The following IFRD1 variants were observed in gnomAD, a reference collection of about 807,000 sequenced individuals.
The protein encoded by IFRD1 is interferon related developmental regulator 1.
A neutral mutation model predicts 52.9 loss-of-function variants in IFRD1; 35 were observed. That is an observed-to-expected ratio of 0.66 (90% CI 0.51 to 0.88). The LOEUF is 0.88. Ranked by LOEUF, IFRD1 falls within the 40% of genes least tolerant of loss-of-function variation. IFRD1 has a pLI of 0.00. For synonymous variants in IFRD1, 184 were observed against 188.4 expected (o/e 0.98, Z 0.19); for missense variants, 517 against 550.8 (o/e 0.94, Z 0.61).
At chr7:112,459,861 G>A (rs1022338886) in intron 5 of IFRD1, among the ~76,000 whole-genome samples, 2 of 152,192 alleles carry the variant, frequency 1.3e-5, no homozygotes, top group Non-Finnish European at 2.9e-5. Context: ...CCTGGAGGCT[G>A]GGAATAGTCT....
intron 9 of IFRD1, among the ~76,000 whole-genome samples, chr7:112,471,272 G>A (rs1795738634): frequency 6.6e-6 from 1 of 152,158 alleles, no homozygotes; most frequent in Admixed American, 6.5e-5. Context: ...TTACGGGCAA[G>A]GGAACAGACT....
chr7:112,429,603 A>G (rs1785350994), intron 1 of IFRD1, among the ~76,000 whole-genome samples: 1 of 152,142 alleles, frequency 6.6e-6, no homozygotes, highest in Admixed American at 6.5e-5. Context: ...GTGTATGAAA[A>G]ATCTAATTTT....
upstream of IFRD1, chr7:112,450,403 C>CAG: frequency 2.1e-6 from 1 of 478,764 alleles, no homozygotes; most frequent in South Asian, 2.1e-5. Flanking sequence ...GCCCCGCCCA[C>CAG]AGAGTGACGT....
In IFRD1 at chr7:112,475,696, T is replaced by C; in HGVS notation, c.*177T>C. Reference sequence around the variant, plus strand: ...AAACTGGTGAGTTCTGATTATTAAATATTCTCTGTAAATCAGTAAACATGT... The same window carrying C: ...AAACTGGTGAGTTCTGATTATTAAACATTCTCTGTAAATCAGTAAACATGT... On this transcript the variant is annotated 3_prime_UTR_variant, in exon 12 of 12. Coordinates refer to ENST00000403825, the MANE Select transcript of IFRD1 (RefSeq NM_001550.4). The C allele has an allele frequency of 1.7e-6, 1 of 572,176 alleles. No homozygotes were observed. The highest frequency in any genetic ancestry group is 2.9e-5 in the East Asian group (1 of 34,158). The allele number at this position is 572,176 out of a possible 1,614,324, so 35.4% of individuals were successfully genotyped here.
intron 8 of IFRD1, among the ~76,000 whole-genome samples, chr7:112,464,388 C>A (rs944008911): frequency 1.3e-4 from 19 of 151,958 alleles, no homozygotes; most frequent in African/African-American, 4.3e-4. Context: ...TATGAGAGTT[C>A]TAGGTTAATG....
Position 112,475,812 on chromosome 7 carries a change from A to G in IFRD1, c.*293A>G. On this transcript the variant is annotated 3_prime_UTR_variant, in exon 12 of 12. Transcript: ENST00000403825. ...GGGGAAAACAATTAGCCAAAGTTTA[A>G]TTTCTTACACTGTGGTTGTCAAGAA... The G allele has an allele frequency of 3.0e-6, 1 of 334,314 alleles. No individual in the cohort carries two copies. Among genetic ancestry groups the G allele is most frequent in the South Asian group, 3.5e-5 (1 of 28,686 alleles). 20.7% of individuals were successfully genotyped at this position (334,314 alleles called of 1,614,324 possible). A position where few individuals can be genotyped will look rare whatever the true frequency, so the allele number is the denominator to read the frequency against.
At chr7:112,452,378 A>AGTCCCTC (rs1257594157) in intron 1 of IFRD1, 1 of 692,352 alleles carries the variant, frequency 1.4e-6, no homozygotes, top group Non-Finnish European at 1.8e-6. Flanking sequence ...GCTGGTCACG[A>AGTCCCTC]GTCCCTCGTC....
intron 1 of IFRD1, among the ~76,000 whole-genome samples, chr7:112,429,218 TA>T (rs1176220879): frequency 3.3e-5 from 5 of 152,232 alleles, no homozygotes; most frequent in Non-Finnish European, 7.3e-5. Context: ...AACACTTGCC[TA>T]ATCTCAAACC....
rs1250717134 is a variant in IFRD1 at position 112,475,840 on chromosome 7, C to T, written c.*321C>T. The T allele has an allele frequency of 3.6e-6, 1 of 279,678 alleles. No individual in the cohort carries two copies. Among genetic ancestry groups the T allele is most frequent in the Non-Finnish European group, 6.8e-6 (1 of 146,828 alleles). 17.3% of individuals were successfully genotyped at this position (279,678 alleles called of 1,614,324 possible). A position where few individuals can be genotyped will look rare whatever the true frequency, so the allele number is the denominator to read the frequency against. ...TCTTACACTGTGGTTGTCAAGAATA[C>T]TGATTTACTATAATGATATATACAT... On this transcript the variant is annotated 3_prime_UTR_variant, in exon 12 of 12. Transcript: ENST00000403825.
chr7:112,453,479 C>A (rs1434296893), intron 1 of IFRD1, among the ~76,000 whole-genome samples: 1 of 151,904 alleles, frequency 6.6e-6, no homozygotes, highest in Non-Finnish European at 1.5e-5. Context: ...TCCCTCGAAT[C>A]TTAGAAATCA....
At chr7:112,473,064 GTGTATA>G (rs759742967) in intron 11 of IFRD1, among the ~76,000 whole-genome samples, 87 of 27,236 alleles carry the variant, frequency 3.2e-3, no homozygotes, top group African/African-American at 7.3e-3. Context: ...GTGTGTGTGT[GTGTATA>G]TATGTGTCAG....
At chr7:112,428,303 A>C (rs1371402369) in intron 1 of IFRD1, among the ~76,000 whole-genome samples, 2 of 151,688 alleles carry the variant, frequency 1.3e-5, no homozygotes, top group Non-Finnish European at 2.9e-5. Flanking sequence ...ATTAACCAGA[A>C]GTGTGAGATT....
chr7:112,448,414 G>A (rs1163116463), upstream of IFRD1, among the ~76,000 whole-genome samples: 1 of 152,196 alleles, frequency 6.6e-6, no homozygotes, highest in African/African-American at 2.4e-5. Context: ...CTCCAGAGTG[G>A]CAAAACTGTT....
intron 1 of IFRD1, among the ~76,000 whole-genome samples, chr7:112,426,921 G>T (rs1389475344): frequency 1.3e-5 from 2 of 152,176 alleles, no homozygotes; most frequent in Non-Finnish European, 2.9e-5. Context: ...CCTCTGAGTT[G>T]TCAGGCCTTT....
intron 5 of IFRD1, among the ~76,000 whole-genome samples, chr7:112,460,946 C>T (rs1315214611): frequency 6.6e-6 from 1 of 152,098 alleles, no homozygotes; most frequent in Non-Finnish European, 1.5e-5. Flanking sequence ...TTTGTTAAAA[C>T]AAATGTTCTG....
intron 1 of IFRD1, among the ~76,000 whole-genome samples, chr7:112,424,560 G>A (rs1423871625): frequency 3.3e-5 from 5 of 151,514 alleles, no homozygotes; most frequent in African/African-American, 7.3e-5. Flanking sequence ...GACTACAGGC[G>A]GCTGCCACCA....
At chr7:112,467,136 C>A (rs1795627830) in intron 8 of IFRD1, among the ~76,000 whole-genome samples, 1 of 152,050 alleles carries the variant, frequency 6.6e-6, no homozygotes, top group Non-Finnish European at 1.5e-5. Flanking sequence ...ACCAAGAAGG[C>A]CTAGAAGAGC....
chr7:112,453,615 A>T (rs536678800), intron 1 of IFRD1, among the ~76,000 whole-genome samples: 1 of 152,310 alleles, frequency 6.6e-6, no homozygotes, highest in Admixed American at 6.5e-5. Flanking sequence ...TAATCAGATG[A>T]CACTCATCTG....
chr7:112,458,350 A>T, intron 4 of IFRD1: 1 of 154,430 alleles, frequency 6.5e-6, no homozygotes, highest in South Asian at 1.9e-4. Flanking sequence ...AAGTTAATAA[A>T]TGTATTTTTT....
Sources: allele counts gnomAD v4.1 joint callset (sites outside exome capture counted in the v4.1 genomes callset), GRCh38; gene constraint gnomAD v4.1.1; transcripts MANE v1.5; gene names NCBI Gene and HGNC (gene_info 2026-07-23, HGNC 2026-07-21).